The following DAAM1 variants were observed in gnomAD, a reference collection of about 807,000 sequenced individuals.
DAAM1 encodes disheveled-associated activator of morphogenesis 1.
A neutral mutation model predicts 130.0 loss-of-function variants in DAAM1; 52 were observed. That is an observed-to-expected ratio of 0.40 (90% confidence interval 0.32 to 0.50). The LOEUF (loss-of-function observed/expected upper bound fraction) is 0.50, where lower values mean the gene tolerates loss of function less well. DAAM1 is among the 20% of genes least tolerant of loss of function. The pLI, the probability that DAAM1 is intolerant of heterozygous loss-of-function variation, is 0.61. For missense variants in DAAM1, 1,134 were observed against 1,303.8 expected, an observed-to-expected ratio of 0.87 and a Z score of 2.01; for synonymous variants, 452 against 444.5, an observed-to-expected ratio of 1.02 and a Z score of -0.21.
intron 1 of DAAM1, among the ~76,000 whole-genome samples, chr14:59,204,678 C>T (rs17095856): frequency 0.11 from 17,235 of 152,128 alleles, 1,542 homozygotes; most frequent in African/African-American, 0.25. Flanking sequence ...TATCAGGTAA[C>T]GTACATTTAT....
At chr14:59,254,849 C>T (rs765980766) in intron 1 of DAAM1, among the ~76,000 whole-genome samples, 11 of 152,170 alleles carry the variant, frequency 7.2e-5, no homozygotes, top group Non-Finnish European at 1.5e-4. Flanking sequence ...CTCTTCTTTG[C>T]TGCTTACATG....
chr14:59,302,618 G>C (rs768341286), intron 3 of DAAM1, among the ~76,000 whole-genome samples: 6 of 152,094 alleles, frequency 3.9e-5, no homozygotes, highest in African/African-American at 7.2e-5. Flanking sequence ...GACTCCCACA[G>C]AACAGCAATC....
chr14:59,324,740 T>G (rs1594823461), intron 8 of DAAM1, among the ~76,000 whole-genome samples: 1 of 152,198 alleles, frequency 6.6e-6, no homozygotes, highest in Admixed American at 6.5e-5. Flanking sequence ...GTTACTCAAT[T>G]TTTCTGAATT....
intron 1 of DAAM1, among the ~76,000 whole-genome samples, chr14:59,211,459 G>C (rs538135507): frequency 6.6e-6 from 1 of 152,356 alleles, no homozygotes; most frequent in East Asian, 1.9e-4. Flanking sequence ...GTTGTTACAA[G>C]AGGATTCTCT....
intron 1 of DAAM1, among the ~76,000 whole-genome samples, chr14:59,227,754 T>C (rs1172328732): frequency 6.6e-6 from 1 of 152,172 alleles, no homozygotes; most frequent in Non-Finnish European, 1.5e-5. Flanking sequence ...TAGGGATAGG[T>C]TGTGTTTCCA....
intron 1 of DAAM1, among the ~76,000 whole-genome samples, chr14:59,190,297 C>T (rs1032364272): frequency 1.3e-5 from 2 of 152,114 alleles, no homozygotes; most frequent in Non-Finnish European, 2.9e-5. Flanking sequence ...AATTGTTTGG[C>T]GCCTTTTTCC....
At chr14:59,190,522 T>C (rs890872391) in intron 1 of DAAM1, among the ~76,000 whole-genome samples, 20 of 152,114 alleles carry the variant, frequency 1.3e-4, no homozygotes, top group African/African-American at 4.6e-4. Flanking sequence ...GGACAATTAA[T>C]AACGGCTGGA....
At chr14:59,354,097 G>A in intron 19 of DAAM1, 133 bp downstream of exon 19, 1 of 840,012 alleles carries the variant, frequency 1.2e-6, no homozygotes, top group Non-Finnish European at 1.8e-6. Context: ...GTCTTGCACA[G>A]TTGCCCAGGC....
chr14:59,342,742 T>C (rs762385768), intron 16 of DAAM1, among the ~76,000 whole-genome samples: 1 of 152,170 alleles, frequency 6.6e-6, no homozygotes, highest in African/African-American at 2.4e-5. Context: ...GGGCTTACAC[T>C]GGTCTGACTG....
chr14:59,347,663 G>A (rs375690672), intron 17 of DAAM1, 40 bp downstream of exon 17: 37 of 1,588,896 alleles, frequency 2.3e-5, no homozygotes, highest in Admixed American at 1.5e-4. Context: ...AGTGAAAAGC[G>A]ACCATCAACA....
At chr14:59,336,865 C>T (rs1885646867) in intron 15 of DAAM1, among the ~76,000 whole-genome samples, 1 of 152,192 alleles carries the variant, frequency 6.6e-6, no homozygotes, top group East Asian at 1.9e-4. Context: ...GTGTCAGGTA[C>T]TATACACAAC....
At chr14:59,336,842 G>A (rs1885646156) in intron 15 of DAAM1, among the ~76,000 whole-genome samples, 2 of 152,062 alleles carry the variant, frequency 1.3e-5, no homozygotes, top group Non-Finnish European at 1.5e-5. Context: ...ATACATATGT[G>A]TCAGATACCT....
rs1371567457 is a variant in DAAM1 at position 59,313,336 on chromosome 14, T to C, written c.274-1944T>C. Among the ~76,000 whole-genome samples, 3 of 152,362 alleles carry C rather than the reference T, an allele frequency of 2.0e-5. No individual in the cohort carries two copies. The East Asian group carries it at 5.8e-4, about 29-fold the overall frequency. On this transcript the variant is annotated intron_variant, in intron 3 of 24. Transcript: ENST00000360909. ...AGAAACTTTCACATACTCTAGCTTG[T>C]TTGGTTTTCTCAGCACTGAGGCATG...
At chr14:59,358,213 T>C (rs1380685500) in intron 20 of DAAM1, among the ~76,000 whole-genome samples, 1 of 152,230 alleles carries the variant, frequency 6.6e-6, no homozygotes, top group African/African-American at 2.4e-5. Context: ...AGCCCAGGCA[T>C]CTGGAGTCCA....
chr14:59,230,175 TC>T (rs1421251776), intron 1 of DAAM1, among the ~76,000 whole-genome samples: 4 of 152,066 alleles, frequency 2.6e-5, no homozygotes, highest in Non-Finnish European at 5.9e-5. Context: ...TACAAATGGG[TC>T]CCCTCAGGTG....
chr14:59,280,897 A>G (rs1011554820), intron 2 of DAAM1, among the ~76,000 whole-genome samples: 1 of 152,066 alleles, frequency 6.6e-6, no homozygotes, highest in African/African-American at 2.4e-5. Flanking sequence ...CATTTTTTCT[A>G]AGAAAAAGGG....
At chr14:59,332,055 C>T (rs879225686) in intron 15 of DAAM1, 135 bp downstream of exon 15, 7 of 714,668 alleles carry the variant, frequency 9.8e-6, no homozygotes, top group Admixed American at 5.5e-5. Context: ...TGTGCATGTC[C>T]GTGTCTCCGT....
chr14:59,289,216 A>G (rs1486213383), intron 2 of DAAM1, among the ~76,000 whole-genome samples: 3 of 152,050 alleles, frequency 2.0e-5, no homozygotes, highest in African/African-American at 4.8e-5. Context: ...CACCCGGCCC[A>G]ACCACACACT....
chr14:59,325,753 T>C (rs926496281), intron 9 of DAAM1, 23 bp downstream of exon 9: 11 of 1,612,290 alleles, frequency 6.8e-6, no homozygotes, highest in Non-Finnish European at 9.3e-6. Context: ...ACAATTATTC[T>C]GGTTTGATTC....
Sources: allele counts gnomAD v4.1 joint callset (sites outside exome capture counted in the v4.1 genomes callset), GRCh38; gene constraint gnomAD v4.1.1; transcripts MANE v1.5; gene names NCBI Gene and HGNC (gene_info 2026-07-23, HGNC 2026-07-21).